Variants in CELF4 observed in about 807,000 individuals in gnomAD.
The protein encoded by CELF4 is CUGBP Elav-like family member 4.
A neutral mutation model predicts 59.9 loss-of-function variants in CELF4; 18 were observed. The ratio of observed to expected loss-of-function variants is 0.30; its 90% CI spans 0.21 to 0.45. The LOEUF is 0.45. Among genes scored for constraint, CELF4 ranks in the 20% least tolerant of loss-of-function variants. The pLI, the probability that CELF4 is intolerant of heterozygous loss-of-function variation, is 1.00. For synonymous variants in CELF4, 261 were observed against 267.1 expected (o/e 0.98, Z 0.22); for missense variants, 456 against 689.0 (o/e 0.66, Z 3.79).
intron 2 of CELF4, among the ~76,000 whole-genome samples, chr18:37,409,475 C>A (rs187930755): frequency 2.0e-4 from 30 of 152,318 alleles, no homozygotes; most frequent in African/African-American, 6.7e-4. Flanking sequence ...GCTGTAAGCA[C>A]GCTCTTCACT....
intron 3 of CELF4, among the ~76,000 whole-genome samples, chr18:37,281,279 G>A (rs974803290): frequency 5.3e-5 from 8 of 152,192 alleles, no homozygotes; most frequent in African/African-American, 1.4e-4. Context: ...CACTTGACTC[G>A]CCAAATGCCA....
chr18:37,375,712 C>A (rs545834048), intron 2 of CELF4, among the ~76,000 whole-genome samples: 24 of 152,246 alleles, frequency 1.6e-4, no homozygotes, highest in Non-Finnish European at 2.5e-4. Context: ...GTACCACTGC[C>A]CACCTGGCCT....
At chr18:37,301,635 G>A (rs2096047022) in intron 3 of CELF4, among the ~76,000 whole-genome samples, 1 of 152,202 alleles carries the variant, frequency 6.6e-6, no homozygotes, top group African/African-American at 2.4e-5. Context: ...CAGGTTCCAT[G>A]AGCCTGGAGA....
chr18:37,338,759 C>CGT (rs60532435), intron 2 of CELF4, among the ~76,000 whole-genome samples: 17,720 of 145,270 alleles, frequency 0.12, 1,143 homozygotes, highest in Middle Eastern at 0.18. Flanking sequence ...ATGCAGGAGC[C>CGT]GTGTGTGTGT....
intron 3 of CELF4, among the ~76,000 whole-genome samples, chr18:37,311,098 C>G (rs2096630739): frequency 6.6e-6 from 1 of 152,166 alleles, no homozygotes; most frequent in Non-Finnish European, 1.5e-5. Flanking sequence ...TAGCCGGGGC[C>G]ACAGGGAATT....
intron 1 of CELF4, among the ~76,000 whole-genome samples, chr18:37,499,275 G>A (rs1271448590): frequency 6.6e-6 from 1 of 152,206 alleles, no homozygotes; most frequent in African/African-American, 2.4e-5. Flanking sequence ...TGAGCTGGCA[G>A]GGGCCTAGGT....
At chr18:37,441,096 C>A (rs919118191) in intron 2 of CELF4, among the ~76,000 whole-genome samples, 2 of 152,200 alleles carry the variant, frequency 1.3e-5, no homozygotes, top group Admixed American at 1.3e-4. Flanking sequence ...CTGTCTCTCC[C>A]CGCTGGACCA....
chr18:37,553,464 G>T lies in CELF4; in HGVS notation c.286+11892C>A, dbSNP rs534267413. ...AAGTTCCGGGACACAGCAGTTTGGA[G>T]TTGGACCCATGTCAGGCCCTAAGTA... On this transcript the variant is annotated intron_variant, in intron 1 of 12. Transcript: ENST00000420428. Among the ~76,000 whole-genome samples the T allele has an allele frequency of 3.3e-3, 498 of 152,316 alleles. 1 individual carries two copies. Among genetic ancestry groups the T allele is most frequent in the South Asian group, 3.5e-3 (17 of 4,822 alleles).
At chr18:37,405,811 CTCTG>C (rs1257314139) in intron 2 of CELF4, among the ~76,000 whole-genome samples, 1 of 152,114 alleles carries the variant, frequency 6.6e-6, no homozygotes, top group Non-Finnish European at 1.5e-5. Context: ...GTCCCATTGT[CTCTG>C]TCTGTCCCCT....
intron 1 of CELF4, among the ~76,000 whole-genome samples, chr18:37,492,668 C>T (rs1435780142): frequency 6.6e-6 from 1 of 151,794 alleles, no homozygotes; most frequent in Non-Finnish European, 1.5e-5. Flanking sequence ...CCTCCCACTT[C>T]GAGTACCCGG....
intron 3 of CELF4, chr18:37,305,428 G>A (rs1344111078): frequency 6.6e-6 from 1 of 152,354 alleles, no homozygotes; most frequent in African/African-American, 2.4e-5. Context: ...AGGTCAGCAA[G>A]TGCCGGGATA....
chr18:37,556,193 G>C (rs2099984740), intron 1 of CELF4, among the ~76,000 whole-genome samples: 1 of 152,300 alleles, frequency 6.6e-6, no homozygotes, highest in Non-Finnish European at 1.5e-5. Context: ...TACCTGCCAG[G>C]CAAGAGACAG....
Position 37,275,206 on chromosome 18 carries a change from T to C in CELF4, c.486A>G (p.Gln162=). ...RKLFVGMLNK[Q]QSEDDVRRLF... ...GGCGGCGCACGTCGTCCTCGGACTG[T>C]TGCTTGTTGAGCATGCCCACGAAGA... Residue 162 remains glutamine, a synonymous_variant, in exon 4 of 13, where the codon CAA becomes CAG. Coordinates refer to ENST00000420428, the MANE Select transcript of CELF4 (RefSeq NM_020180.4). 1 of 1,613,670 alleles carries C rather than the reference T, an allele frequency of 6.2e-7. No homozygotes were observed. The highest frequency in any genetic ancestry group is 8.5e-7 in the Non-Finnish European group (1 of 1,179,858).
chr18:37,360,482 T>C (rs1304802629), intron 2 of CELF4, among the ~76,000 whole-genome samples: 1 of 152,170 alleles, frequency 6.6e-6, no homozygotes, highest in Non-Finnish European at 1.5e-5. Context: ...GCACTTACTG[T>C]GTGCCAAGCT....
chr18:37,485,783 C>G (rs2099880014), intron 1 of CELF4, 176 bp from the exon 2 acceptor site: 1 of 389,802 alleles, frequency 2.6e-6, no homozygotes. Context: ...GTGTTCCCGG[C>G]TGTCTGCCTC....
At chr18:37,327,376 G>T (rs1041052386) in intron 2 of CELF4, among the ~76,000 whole-genome samples, 2 of 152,112 alleles carry the variant, frequency 1.3e-5, no homozygotes, top group Non-Finnish European at 2.9e-5. Context: ...AGCTCACTGG[G>T]CTGGTGAGCG....
chr18:37,325,035 A>T (rs2097256660), intron 2 of CELF4, among the ~76,000 whole-genome samples: 1 of 151,978 alleles, frequency 6.6e-6, no homozygotes, highest in Admixed American at 6.6e-5. Flanking sequence ...GGGGAAAGAG[A>T]GGAGAGCAGG....
intron 7 of CELF4, among the ~76,000 whole-genome samples, chr18:37,271,269 T>TTC (rs1197053501): frequency 6.8e-6 from 1 of 146,790 alleles, no homozygotes; most frequent in African/African-American, 2.5e-5. Context: ...TTTTTTTTTT[T>TTC]TTTTTTTTGT....
chr18:37,393,021 A>G (rs1319193555), intron 2 of CELF4, among the ~76,000 whole-genome samples: 1 of 151,916 alleles, frequency 6.6e-6, no homozygotes, highest in Non-Finnish European at 1.5e-5. Context: ...TGACACCAGC[A>G]TATGCCTAGG....
Sources: allele counts gnomAD v4.1 joint callset (sites outside exome capture counted in the v4.1 genomes callset), GRCh38; gene constraint gnomAD v4.1.1; transcripts MANE v1.5; gene names NCBI Gene and HGNC (gene_info 2026-07-23, HGNC 2026-07-21).